The following SLC6A9 variants were observed in gnomAD, a reference collection of about 807,000 sequenced individuals.
SLC6A9 encodes the protein sodium- and chloride-dependent glycine transporter 1.
A neutral mutation model predicts 70.9 loss-of-function variants in SLC6A9; 31 were observed. The ratio of observed to expected loss-of-function variants is 0.44; its 90% CI spans 0.33 to 0.59. The LOEUF is 0.59. Among genes scored for constraint, SLC6A9 ranks in the 20% least tolerant of loss-of-function variants. SLC6A9 has a pLI of 0.04. For synonymous variants in SLC6A9, 310 were observed against 341.3 expected (o/e 0.91, Z 1.01); for missense variants, 631 against 845.2 (o/e 0.75, Z 3.14).
At chr1:43,999,968 C>G (rs1557666525) in intron 12 of SLC6A9, among the ~76,000 whole-genome samples, 1 of 152,226 alleles carries the variant, frequency 6.6e-6, no homozygotes, top group South Asian at 2.1e-4. Flanking sequence ...CCATTCCTCC[C>G]TCCTGCAGAG....
At position 44,002,420 on chromosome 1, in the gene SLC6A9, C is replaced by G. The variant is rs777351219; in HGVS notation, c.859-4G>C. 3 of 1,613,914 alleles carry G rather than the reference C, an allele frequency of 1.9e-6. No individual in the cohort carries two copies. Among genetic ancestry groups the G allele is most frequent in the Non-Finnish European group, 1.7e-6 (2 of 1,179,802 alleles). ...GGGAGGCAGCATCACCCCACACCTG[C>G]AGGGAAGGACCGGTGGGTGAGGAGC... On this transcript the variant is annotated splice_region_variant and splice_polypyrimidine_tract_variant and intron_variant, in intron 7 of 13. Transcript: ENST00000372310. The surrounding 1 kb of genome is among the most constrained non-coding windows in gnomAD (Gnocchi z 5.5).
intron 2 of SLC6A9, chr1:44,015,845 G>GGGGCAGAACATGGGAAAATCTCCCCC (rs1453701405): frequency 3.0e-5 from 30 of 985,146 alleles, no homozygotes; most frequent in Non-Finnish European, 3.6e-5. Context: ...CCGGGGTGGA[G>GGGGCAGAACATGGGAAAATCTCCCCC]GGGCAGAACA....
Position 44,018,858 on chromosome 1 carries a change from C to A in SLC6A9, c.30+5390G>T, listed in dbSNP as rs542283169. Among the ~76,000 whole-genome samples the A allele has an allele frequency of 5.3e-5, 8 of 152,014 alleles. No individual in the cohort carries two copies. Among genetic ancestry groups the A allele is most frequent in the African/African-American group, 1.9e-4 (8 of 41,472 alleles). ...GGAGGGAGTTTTGCTTGAGCCCAGA[C>A]GTTGGAAGTTGTAGTGAGCTATGAT... On this transcript the variant is annotated intron_variant, in intron 2 of 13. Transcript: ENST00000372310. The surrounding 1 kb of genome is among the most constrained non-coding windows in gnomAD (Gnocchi z 4.2).
At chr1:44,019,164 C>T (rs1327265680) in intron 2 of SLC6A9, among the ~76,000 whole-genome samples, 1 of 152,194 alleles carries the variant, frequency 6.6e-6, no homozygotes, top group Non-Finnish European at 1.5e-5. Context: ...ATAGTAAGTG[C>T]TTGCTGTGGG....
intron 5 of SLC6A9, among the ~76,000 whole-genome samples, chr1:44,006,426 A>G (rs2086313540): frequency 6.6e-6 from 1 of 151,946 alleles, no homozygotes; most frequent in Non-Finnish European, 1.5e-5. Flanking sequence ...TGTCTCTACT[A>G]AAAATACAAA....
At chr1:44,000,337 T>G (rs945275568) in intron 12 of SLC6A9, among the ~76,000 whole-genome samples, 1 of 152,228 alleles carries the variant, frequency 6.6e-6, no homozygotes, top group African/African-American at 2.4e-5. Context: ...AGAGCTGACC[T>G]CTGACTCCAC....
chr1:44,001,729 C>T, intron 8 of SLC6A9, 102 bp from the exon 9 acceptor site: 1 of 828,758 alleles, frequency 1.2e-6, no homozygotes, highest in South Asian at 1.7e-5. Flanking sequence ...ACCCCCAACT[C>T]TTTTTTTTTG....
Position 44,008,527 on chromosome 1 carries a change from G to T in SLC6A9, c.416C>A (p.Thr139Lys). The T allele has an allele frequency of 6.2e-7, 1 of 1,614,100 alleles. No individual in the cohort carries two copies. The highest frequency in any genetic ancestry group is 1.7e-5 in the Admixed American group (1 of 60,018). The change falls in exon 5 of 14, where the codon ACG becomes AAG. Residue 139 changes from threonine to lysine, a missense_variant. Thr to Lys is a moderately conservative substitution (Grantham distance 78, BLOSUM62 -1). Coordinates refer to ENST00000372310, the MANE Select transcript of SLC6A9 (RefSeq NM_001024845.3). ...GCAGTAGGCCCAGGGCAGCACGTGC[G>T]TCATGGACGAGAAGAAGTAGTAGAA... Reference protein sequence around the residue: ...IAFYYFFSSMTHVLPWAYCNN... With the variant: ...IAFYYFFSSMKHVLPWAYCNN...
chr1:44,024,297 TCTGGTGACGGGGA>T lies in SLC6A9; in HGVS notation c.-33_-21del, dbSNP rs2086942159. On this transcript the variant is annotated 5_prime_UTR_variant, in exon 2 of 14. Coordinates refer to ENST00000372310, the MANE Select transcript of SLC6A9 (RefSeq NM_001024845.3). ...TACCATGGCGGCGGTGGGTTGGGGC[TCTGGTGACGGGGA>T]CCACACTCACAGGCTCTGCTTCCAG... The T allele has an allele frequency of 6.2e-7, 1 of 1,614,064 alleles. No homozygotes were observed. The highest frequency in any genetic ancestry group is 1.3e-5 in the African/African-American group (1 of 74,940).
chr1:44,005,614 C>T (rs1285015220), intron 5 of SLC6A9, among the ~76,000 whole-genome samples: 3 of 152,204 alleles, frequency 2.0e-5, no homozygotes, highest in South Asian at 2.1e-4. Context: ...CAGCACCAGA[C>T]GGGCGCAACA....
intron 9 of SLC6A9, 34 bp from the exon 10 acceptor site, chr1:44,001,332 C>A (rs1490053202): frequency 6.2e-7 from 1 of 1,614,048 alleles, no homozygotes; most frequent in Admixed American, 1.7e-5. Context: ...GGAGACCTGC[C>A]CCTTGTTCCT....
In SLC6A9 at chr1:43,997,552, C is replaced by T. The variant is rs764097155; in HGVS notation, c.1895G>A (p.Arg632Gln). 2.0e-5 allele frequency: 32 copies of T among 1,613,098 alleles called. No homozygotes were observed. In the South Asian group the frequency reaches 2.6e-4, roughly 13 times the overall value. Residue 632 changes from arginine (R) to glutamine (Q), a missense_variant, in exon 14 of 14, where the codon CGG becomes CAG. Transcript: ENST00000372310. This position sits in a 1 kb window ranked among gnomAD's most constrained non-coding sequence, Gnocchi z 4.4. ...SNGSSRLQDSRI is the reference protein window; with the variant it reads ...SNGSSRLQDSQI ...CTCCCCTGGCAGCTGTGCTCATATC[C>T]GGGAGTCCTGGAGGCGGCTGGAGCC... is the stretch of plus-strand genomic sequence containing the variant.
At chr1:44,003,457 C>T (rs2086194264) in intron 5 of SLC6A9, among the ~76,000 whole-genome samples, 2 of 152,198 alleles carry the variant, frequency 1.3e-5, no homozygotes, top group Admixed American at 1.3e-4. Flanking sequence ...GTGGAATGCT[C>T]AGTAAAGATT....
At chr1:44,001,710 T>G in intron 8 of SLC6A9, 83 bp from the exon 9 acceptor site, 1 of 1,021,668 alleles carries the variant, frequency 9.8e-7, no homozygotes, top group East Asian at 2.4e-5. Flanking sequence ...AAGTTCTAGG[T>G]ACAAAGGCAC....
At chr1:44,000,746 G>C in intron 12 of SLC6A9, 21 bp downstream of exon 12, 2 of 1,517,422 alleles carry the variant, frequency 1.3e-6, no homozygotes, top group South Asian at 2.4e-5. Context: ...GGGGAAGGGA[G>C]GGGCCGGCCA....
chr1:44,019,689 G>A (rs779774211), intron 2 of SLC6A9, among the ~76,000 whole-genome samples: 14 of 152,266 alleles, frequency 9.2e-5, no homozygotes, highest in Non-Finnish European at 1.8e-4. Flanking sequence ...GGCCCTGGCC[G>A]TAATGAGGCC....
In SLC6A9 at chr1:44,000,948, G is replaced by C. The variant is rs199729885; in HGVS notation, c.1435+8C>G. The C allele has an allele frequency of 1.2e-6, 2 of 1,603,246 alleles. No homozygotes were observed. Among genetic ancestry groups the C allele is most frequent in the Non-Finnish European group, 1.7e-6 (2 of 1,173,742 alleles). Reference sequence around the variant, plus strand: ...GGGTCGCGGGAGGCCGGAGGCTCGAGTGCTCACCGTAGATGTACATGATGG... The same window carrying C: ...GGGTCGCGGGAGGCCGGAGGCTCGACTGCTCACCGTAGATGTACATGATGG... On this transcript the variant is annotated splice_region_variant and intron_variant, in intron 11 of 13. Coordinates refer to ENST00000372310, the MANE Select transcript of SLC6A9 (RefSeq NM_001024845.3).
intron 1 of SLC6A9, among the ~76,000 whole-genome samples, chr1:44,028,669 T>G (rs1345318307): frequency 3.3e-5 from 5 of 152,126 alleles, no homozygotes; most frequent in Admixed American, 2.6e-4. Context: ...TCATGAGAAT[T>G]GCTTGAACTT....
Position 44,008,416 on chromosome 1 carries a change from C to G in SLC6A9, c.527G>C (p.Ser176Thr). The G allele has an allele frequency of 6.2e-7, 1 of 1,614,118 alleles. No homozygotes were observed. ...TNGSRPAALP[S>T]NLSHLLNHSL... is the part of the protein sequence containing the mutation. Reference sequence around the variant, plus strand: ...GTGGTTGAGCAGGTGGGAGAGGTTGCTGGGCAAGGCGGCTGGCCGAGAGCC... The same window carrying G: ...GTGGTTGAGCAGGTGGGAGAGGTTGGTGGGCAAGGCGGCTGGCCGAGAGCC... The change falls in exon 5 of 14, where the codon AGC becomes ACC. Residue 176 changes from serine (S) to threonine (T), a missense_variant. Coordinates refer to ENST00000372310, the MANE Select transcript of SLC6A9 (RefSeq NM_001024845.3).
Sources: gnomAD v4.1 joint callset for allele counts (sites outside exome capture counted in the v4.1 genomes callset) on GRCh38, gnomAD v4.1.1 for gene constraint, Gnocchi (gnomAD v3.1) non-coding constraint, MANE v1.5 for transcripts, NCBI Gene and HGNC (gene_info 2026-07-23, HGNC 2026-07-21) for gene names.